The following SSBP3 variants were observed in gnomAD, a reference collection of about 807,000 sequenced individuals.
SSBP3 encodes the protein single-stranded DNA-binding protein 3.
Under a neutral mutation model 69.6 loss-of-function variants are expected in SSBP3, and 5 were observed. The ratio of observed to expected loss-of-function variants is 0.07; its 90% confidence interval spans 0.04 to 0.15. SSBP3 has a LOEUF of 0.15. SSBP3 is among the 10% of genes least tolerant of loss of function. The probability of loss-of-function intolerance (pLI) is 1.00; values close to 1 mark genes in which losing one functional copy is unlikely to be tolerated. For missense variants in SSBP3, 312 were observed against 534.0 expected, an observed-to-expected ratio of 0.58 and a Z score of 4.10; for synonymous variants, 196 against 193.4, an observed-to-expected ratio of 1.01 and a Z score of -0.11.
intron 4 of SSBP3, among the ~76,000 whole-genome samples, chr1:54,315,300 T>C (rs1324718912): frequency 6.6e-6 from 1 of 152,138 alleles, no homozygotes; most frequent in African/African-American, 2.4e-5. Flanking sequence ...ATGCCTGGTC[T>C]ACCTCTGTTT....
intron 14 of SSBP3, among the ~76,000 whole-genome samples, chr1:54,233,718 G>A (rs1328849936): frequency 6.7e-6 from 1 of 150,270 alleles, no homozygotes; most frequent in Non-Finnish European, 1.5e-5. Flanking sequence ...GGAGGTGGGG[G>A]GGTCAGCCCC....
At chr1:54,352,398 A>G (rs1231233020) in intron 4 of SSBP3, among the ~76,000 whole-genome samples, 1 of 152,128 alleles carries the variant, frequency 6.6e-6, no homozygotes, top group East Asian at 1.9e-4. Flanking sequence ...GCTGACTGGT[A>G]AGGTGGCTTC....
At chr1:54,267,732 G>T (rs181713398) in intron 5 of SSBP3, among the ~76,000 whole-genome samples, 19 of 152,264 alleles carry the variant, frequency 1.2e-4, no homozygotes, top group South Asian at 2.1e-4. Context: ...ATGGCAATAC[G>T]ATCTGTATCG....
intron 4 of SSBP3, among the ~76,000 whole-genome samples, chr1:54,316,666 AAATAAATAAATAAATAAAT>A (rs1441465788): frequency 1.3e-4 from 2 of 15,964 alleles, no homozygotes; most frequent in African/African-American, 3.2e-4. Flanking sequence ...AAAATAAAAT[AAATAAATAAATAAATAAAT>A]AAATAAATAA....
In SSBP3 at chr1:54,379,636, C is replaced by T. The variant is rs577654298; in HGVS notation, c.276+22225G>A. Reference sequence around the variant, plus strand: ...CCAAGAAAGAGGCGGTACAATGGTGCGGCCAGGAGGCTGGCTGGCTGTCAC... The same window carrying T: ...CCAAGAAAGAGGCGGTACAATGGTGTGGCCAGGAGGCTGGCTGGCTGTCAC... On this transcript the variant is annotated intron_variant, in intron 4 of 17. Transcript: ENST00000610401. 4.8e-4 allele frequency among the ~76,000 whole-genome samples: 73 copies of T among 152,190 alleles called. 1 individual carries two copies. Among genetic ancestry groups the T allele is most frequent in the Non-Finnish European group, 5.7e-4 (39 of 68,044 alleles).
chr1:54,302,688 G>A (rs1645824271), intron 4 of SSBP3, among the ~76,000 whole-genome samples: 1 of 152,202 alleles, frequency 6.6e-6, no homozygotes, highest in East Asian at 1.9e-4. Context: ...GTTGAGCAAA[G>A]GAATAACAAC....
At chr1:54,297,112 C>T (rs1233932405) in intron 4 of SSBP3, among the ~76,000 whole-genome samples, 1 of 152,196 alleles carries the variant, frequency 6.6e-6, no homozygotes, top group Admixed American at 6.5e-5. Context: ...CCAGACATCA[C>T]AAACTCACAT....
At chr1:54,239,174 G>T in exon 14 of SSBP3, 6 of 1,613,682 alleles carry the variant, frequency 3.7e-6, no homozygotes, top group Non-Finnish European at 5.1e-6. Flanking sequence ...TCATTGTGTA[G>T]ATGTTGTCAC....
At chr1:54,262,535 C>T (rs532373463) in intron 5 of SSBP3, among the ~76,000 whole-genome samples, 103 of 152,326 alleles carry the variant, frequency 6.8e-4, no homozygotes, top group Admixed American at 8.5e-4. Context: ...GGAGGCACAT[C>T]AGACTTGTCC....
At chr1:54,405,254 A>AC (rs1649637056) in intron 1 of SSBP3, among the ~76,000 whole-genome samples, 1 of 151,968 alleles carries the variant, frequency 6.6e-6, no homozygotes, top group Non-Finnish European at 1.5e-5. Context: ...GCCTTTCCCG[A>AC]CCCACTGCTC....
chr1:54,228,241 G>A lies in SSBP3; in HGVS notation c.1137+14C>T. The stretch of plus-strand genomic sequence containing the variant: ...CCGTGGGGACGAGAGCAACAGGCAG[G>A]GGGCGAGGCTTACATTGTCGTTCTG... On this transcript the variant is annotated intron_variant, in intron 17 of 17. Transcript: ENST00000610401. 1.2e-6 allele frequency: 2 copies of A among 1,612,256 alleles called. No homozygotes were observed. Among genetic ancestry groups the A allele is most frequent in the Non-Finnish European group, 1.7e-6 (2 of 1,178,684 alleles).
chr1:54,271,614 G>C (rs1277629444), intron 5 of SSBP3, among the ~76,000 whole-genome samples: 1 of 646 alleles, frequency 1.5e-3, no homozygotes, highest in Admixed American at 0.042. Flanking sequence ...CCTCCCTGAC[G>C]GCCGAGCTGG....
intron 4 of SSBP3, among the ~76,000 whole-genome samples, chr1:54,366,988 C>T (rs754900097): frequency 6.6e-6 from 1 of 152,154 alleles, no homozygotes; most frequent in Non-Finnish European, 1.5e-5. Context: ...CCGAATCCCT[C>T]GTGCTGGAAA....
At chr1:54,240,733 G>A (rs564093484) in intron 13 of SSBP3, among the ~76,000 whole-genome samples, 172 bp downstream of exon 13, 3 of 152,228 alleles carry the variant, frequency 2.0e-5, no homozygotes, top group East Asian at 1.9e-4. Context: ...AGAGGAGTAG[G>A]TTAGTGTCAT....
exon 18 of SSBP3, chr1:54,226,796 T>C (rs1570167425): frequency 3.9e-6 from 1 of 256,598 alleles, no homozygotes. Flanking sequence ...CCAACAATGG[T>C]AAAACCCCAA....
chr1:54,376,215 T>TCA (rs1392318330), intron 4 of SSBP3, among the ~76,000 whole-genome samples: 1 of 151,984 alleles, frequency 6.6e-6, no homozygotes, highest in Admixed American at 6.6e-5. Context: ...TGTGTTTGTC[T>TCA]CACACACCTC....
intron 5 of SSBP3, among the ~76,000 whole-genome samples, chr1:54,266,498 T>C (rs921268262): frequency 6.6e-6 from 1 of 152,226 alleles, no homozygotes; most frequent in Admixed American, 6.5e-5. Context: ...TCTAAGATTA[T>C]TTCCTAGCTG....
upstream of SSBP3, among the ~76,000 whole-genome samples, chr1:54,410,924 T>A (rs561366277): frequency 2.0e-5 from 3 of 152,164 alleles, no homozygotes; most frequent in East Asian, 5.8e-4. Context: ...ATTGGGGAAA[T>A]GTTTCGAAAA....
intron 7 of SSBP3, among the ~76,000 whole-genome samples, chr1:54,254,044 G>A (rs1644877480): frequency 6.6e-6 from 1 of 152,212 alleles, no homozygotes; most frequent in South Asian, 2.1e-4. Context: ...GGAAGAAGGT[G>A]TGCAATGACC....
Sources: allele counts gnomAD v4.1 joint callset (sites outside exome capture counted in the v4.1 genomes callset), GRCh38; gene constraint gnomAD v4.1.1; transcripts MANE v1.5; gene names NCBI Gene and HGNC (gene_info 2026-07-23, HGNC 2026-07-21).